C17orf67: variants seen among roughly 807,000 people sequenced by gnomAD.
C17orf67 encodes uncharacterized protein C17orf67.
Under a neutral mutation model 11.2 loss-of-function variants are expected in C17orf67, and 12 were observed. The ratio of observed to expected loss-of-function variants is 1.07; its 90% CI spans 0.68 to 1.73. The LOEUF (loss-of-function observed/expected upper bound fraction) is 1.73, where lower values mean the gene tolerates loss of function less well. Ranked by LOEUF, C17orf67 falls within the 40% of genes most tolerant of loss-of-function variation. The pLI is 0.00. For synonymous variants in C17orf67, 59 were observed against 46.9 expected (o/e 1.26, Z -1.05); for missense variants, 115 against 113.5 (o/e 1.01, Z -0.06).
chr17:56,832,329 A>G (rs1051506504), intron 2 of C17orf67, among the ~76,000 whole-genome samples: 3 of 152,196 alleles, frequency 2.0e-5, no homozygotes, highest in Non-Finnish European at 2.9e-5. Flanking sequence ...GAAAGCTGCC[A>G]AAAGAACTCA....
chr17:56,827,254 G>A (rs1032977970), intron 2 of C17orf67, among the ~76,000 whole-genome samples: 3 of 152,124 alleles, frequency 2.0e-5, no homozygotes, highest in African/African-American at 7.2e-5. Context: ...TTTTTTTTGA[G>A]ACAAGTAGAT....
intron 6 of C17orf67, among the ~76,000 whole-genome samples, chr17:56,808,044 G>A (rs758708524): frequency 4.6e-5 from 7 of 152,116 alleles, no homozygotes; most frequent in Non-Finnish European, 7.4e-5. Context: ...TTCCTATGAA[G>A]TCTAGAATCC....
At chr17:56,807,910 TAAATA>T (rs1567795327) in intron 6 of C17orf67, among the ~76,000 whole-genome samples, 319 of 58,388 alleles carry the variant, frequency 5.5e-3, no homozygotes, top group African/African-American at 0.017. Flanking sequence ...AAATAATAAA[TAAATA>T]AATAAATAAA....
In C17orf67 at chr17:56,795,110, G is replaced by C; in HGVS notation, c.227C>G (p.Pro76Arg). The change falls in exon 7 of 8, where the codon CCT becomes CGT. Residue 76 changes from proline (P) to arginine (R), a missense_variant. Pro to Arg is a moderately radical substitution (Grantham distance 103, BLOSUM62 -2). Transcript: ENST00000397861. ...CCTGTCACAGTGGGGTTTGCAGTGA[G>C]GGTTCAGCCAGTGCTCCAGGAACTG... is the stretch of plus-strand genomic sequence containing the variant. Reference protein sequence around the residue: ...EEQFLEHWLNPHCKPHCDRNR... With the variant: ...EEQFLEHWLNRHCKPHCDRNR... 1 of 1,614,100 alleles carries C rather than the reference G, an allele frequency of 6.2e-7. No homozygotes were observed. Among genetic ancestry groups the C allele is most frequent in the Non-Finnish European group, 8.5e-7 (1 of 1,180,002 alleles).
chr17:56,809,275 C>T (rs931241953), intron 6 of C17orf67, among the ~76,000 whole-genome samples: 1 of 151,920 alleles, frequency 6.6e-6, no homozygotes, highest in Non-Finnish European at 1.5e-5. Context: ...CATCATTCCC[C>T]TGCTTGAAAT....
intron 6 of C17orf67, among the ~76,000 whole-genome samples, chr17:56,811,110 T>C (rs1905613768): frequency 6.6e-6 from 1 of 152,166 alleles, no homozygotes; most frequent in Non-Finnish European, 1.5e-5. Context: ...TCCTGCTGCC[T>C]CTGGCTCTTC....
At chr17:56,793,629 T>C (rs748070352) in intron 7 of C17orf67, among the ~76,000 whole-genome samples, 4 of 152,026 alleles carry the variant, frequency 2.6e-5, no homozygotes, top group Non-Finnish European at 5.9e-5. Flanking sequence ...AAGCAAAGAG[T>C]CAGTGAGGTT....
intron 2 of C17orf67, among the ~76,000 whole-genome samples, chr17:56,825,535 A>C (rs1906004743): frequency 1.3e-5 from 2 of 152,228 alleles, no homozygotes; most frequent in African/African-American, 4.8e-5. Context: ...GCTTTCCCAT[A>C]AGCCTTAAAC....
chr17:56,796,583 A>G (rs1303850416), intron 6 of C17orf67, among the ~76,000 whole-genome samples: 2 of 146,484 alleles, frequency 1.4e-5, no homozygotes, highest in Non-Finnish European at 3.1e-5. Flanking sequence ...CAGCATCTCC[A>G]TCTACTCAGG....
intron 2 of C17orf67, among the ~76,000 whole-genome samples, chr17:56,825,747 T>C (rs1906009187): frequency 6.6e-6 from 1 of 152,124 alleles, no homozygotes; most frequent in Admixed American, 6.5e-5. Context: ...TAATGCTAAA[T>C]AAGAGCCAGA....
At chr17:56,830,666 G>A (rs539859281) in intron 2 of C17orf67, among the ~76,000 whole-genome samples, 2 of 152,290 alleles carry the variant, frequency 1.3e-5, no homozygotes, top group East Asian at 3.9e-4. Context: ...ATGTAAGAGA[G>A]ATACCTGACA....
intron 6 of C17orf67, among the ~76,000 whole-genome samples, chr17:56,808,111 C>A (rs537515960): frequency 6.6e-6 from 1 of 152,040 alleles, no homozygotes; most frequent in Non-Finnish European, 1.5e-5. Context: ...ATTCTCATAA[C>A]CAATTTCTCT....
At chr17:56,808,241 T>G (rs1905504721) in intron 6 of C17orf67, among the ~76,000 whole-genome samples, 1 of 152,204 alleles carries the variant, frequency 6.6e-6, no homozygotes, top group Admixed American at 6.5e-5. Flanking sequence ...AAAGTTTCTG[T>G]ATGTAGCGGA....
intron 7 of C17orf67, among the ~76,000 whole-genome samples, chr17:56,794,194 T>C (rs1905166582): frequency 6.6e-6 from 1 of 152,192 alleles, no homozygotes. Flanking sequence ...CAATTTATGT[T>C]ACATTATAAA....
chr17:56,821,371 A>T (rs1905901155), intron 4 of C17orf67, among the ~76,000 whole-genome samples: 1 of 152,370 alleles, frequency 6.6e-6, no homozygotes, highest in East Asian at 1.9e-4. Context: ...CATTGTAAAA[A>T]TATGGAATTT....
intron 4 of C17orf67, 66 bp from the exon 5 acceptor site, chr17:56,816,076 G>T: frequency 2.2e-6 from 1 of 448,832 alleles, no homozygotes; most frequent in Non-Finnish European, 3.9e-6. Context: ...AGCAACATGT[G>T]ATATTCACTT....
chr17:56,800,546 C>G (rs1905295947), intron 6 of C17orf67, among the ~76,000 whole-genome samples: 1 of 152,170 alleles, frequency 6.6e-6, no homozygotes, highest in Non-Finnish European at 1.5e-5. Context: ...GCTTTGTTCT[C>G]CATCTTTCCC....
At chr17:56,805,371 A>G (rs996080395) in intron 6 of C17orf67, among the ~76,000 whole-genome samples, 1 of 152,162 alleles carries the variant, frequency 6.6e-6, no homozygotes, top group African/African-American at 2.4e-5. Context: ...TCCACTGCCA[A>G]TGAATGGCAC....
chr17:56,817,034 T>A (rs949186412), intron 4 of C17orf67, among the ~76,000 whole-genome samples: 4 of 152,114 alleles, frequency 2.6e-5, no homozygotes, highest in Non-Finnish European at 5.9e-5. Context: ...ATTTTTTTAT[T>A]TTGTAGAGAC....
Sources: allele counts gnomAD v4.1 joint callset (sites outside exome capture counted in the v4.1 genomes callset), GRCh38; gene constraint gnomAD v4.1.1; transcripts MANE v1.5; gene names NCBI Gene and HGNC (gene_info 2026-07-23, HGNC 2026-07-21).